Variants in KLHL4 observed in about 807,000 individuals in gnomAD.
KLHL4 encodes kelch-like protein 4.
KLHL4 carries 17 observed loss-of-function variants against 45.8 expected under a neutral mutation model. That is an observed-to-expected ratio of 0.37 (90% CI 0.25 to 0.56). The LOEUF is 0.56. KLHL4 is among the 20% of genes least tolerant of loss of function. KLHL4 has a pLI of 0.79. For missense variants in KLHL4, 544 were observed against 544.9 expected (o/e 1.00, Z 0.02); for synonymous variants, 224 against 189.9 (o/e 1.18, Z -1.47).
Position 87,667,897 on chromosome X carries a change from T to C in KLHL4, c.*1363T>C. ...AAGTTGTACAAAGATATTTGTACTT[T>C]GACAAACTGAATTTAAATAAACTTT... On this transcript the variant is annotated 3_prime_UTR_variant, in exon 11 of 11. Transcript: ENST00000373119. 1.5e-6 allele frequency: 1 copy of C among 681,059 alleles called. No homozygotes were observed. The highest frequency in any genetic ancestry group is 1.7e-6 in the Non-Finnish European group (1 of 572,405). 56.1% of individuals were successfully genotyped at this position (681,059 alleles called of 1,213,427 possible). A position where few individuals can be genotyped will look rare whatever the true frequency, so the allele number is the denominator to read the frequency against.
intron 1 of KLHL4, among the ~76,000 whole-genome samples, chrX:87,540,518 A>G (rs976997225): frequency 5.4e-5 from 6 of 110,751 alleles, no homozygotes; most frequent in African/African-American, 2.0e-4. Flanking sequence ...ATGAAAACAC[A>G]AACACACGCA....
chrX:87,615,226 T>C (rs1484798076), intron 3 of KLHL4, among the ~76,000 whole-genome samples: 2 of 111,244 alleles, frequency 1.8e-5, no homozygotes, highest in Non-Finnish European at 3.8e-5. Flanking sequence ...AGCGATATGC[T>C]CTCCTTACAT....
intron 9 of KLHL4, among the ~76,000 whole-genome samples, chrX:87,658,431 G>T (rs962274237): frequency 3.6e-5 from 4 of 111,417 alleles, no homozygotes; most frequent in Non-Finnish European, 7.5e-5. Flanking sequence ...CCAGGGTCTG[G>T]AATGCGTGCA....
intron 6 of KLHL4, among the ~76,000 whole-genome samples, chrX:87,628,892 A>G (rs1923017910): frequency 8.9e-6 from 1 of 112,066 alleles, no homozygotes. Context: ...GAATCATTAG[A>G]AAGTGCTAAG....
intron 1 of KLHL4, among the ~76,000 whole-genome samples, chrX:87,566,179 C>A (rs1175142424): frequency 9.0e-6 from 1 of 111,323 alleles, no homozygotes; most frequent in Admixed American, 9.6e-5. Flanking sequence ...AACCTCAATC[C>A]TTCTGAAACT....
intron 5 of KLHL4, among the ~76,000 whole-genome samples, chrX:87,623,548 T>C (rs1013257502): frequency 1.8e-5 from 2 of 110,774 alleles, no homozygotes; most frequent in Non-Finnish European, 3.8e-5. Flanking sequence ...TGCCTCGGCC[T>C]CCCAAAGTGC....
chrX:87,643,802 A>T (rs1186138274), intron 9 of KLHL4, among the ~76,000 whole-genome samples: 1 of 112,046 alleles, frequency 8.9e-6, no homozygotes. Flanking sequence ...TTAAAAAATC[A>T]CATAATCACA....
chrX:87,616,516 G>A (rs745433268), intron 3 of KLHL4, among the ~76,000 whole-genome samples: 9 of 111,244 alleles, frequency 8.1e-5, no homozygotes, highest in Non-Finnish European at 1.7e-4. Context: ...GTAAGCATTC[G>A]TAGGATAAGA....
At chrX:87,565,452 G>A (rs776473509) in intron 1 of KLHL4, among the ~76,000 whole-genome samples, 30 of 111,184 alleles carry the variant, frequency 2.7e-4, no homozygotes, top group Non-Finnish European at 4.9e-4. Context: ...AAGAGGTCGC[G>A]TGTGGTGGCT....
rs1394105829 is a variant in KLHL4 at position 87,529,642 on chromosome X, ATGTT to A, written c.422+11333_422+11336del. ...AGACTGCATATGCTTCAGAAAGAAA[ATGTT>A]TGTTTCCAGAACAGTCATGATACTG... On this transcript the variant is annotated intron_variant, in intron 1 of 10. Transcript: ENST00000373119. Among the ~76,000 whole-genome samples the A allele has an allele frequency of 4.5e-5, 5 of 111,496 alleles. No homozygotes were observed. The East Asian group carries it at 1.4e-3, about 32-fold the overall frequency.
At chrX:87,587,896 G>A (rs1921534416) in intron 1 of KLHL4, among the ~76,000 whole-genome samples, 1 of 110,919 alleles carries the variant, frequency 9.0e-6, no homozygotes, top group African/African-American at 3.3e-5. Context: ...TCATATACTT[G>A]GAAAAACCTA....
At chrX:87,661,050 T>C (rs770368118) in intron 9 of KLHL4, among the ~76,000 whole-genome samples, 1 of 112,376 alleles carries the variant, frequency 8.9e-6, no homozygotes, top group Non-Finnish European at 1.9e-5. Flanking sequence ...GGTTTTTTGC[T>C]ATGAAAATCA....
Position 87,537,487 on chromosome X carries a change from C to T in KLHL4, c.422+19172C>T, listed in dbSNP as rs187772010. ...CTCAAAGTTTCAATACTATTTAACA[C>T]GTTTATATAAATATATATATAGATA... On this transcript the variant is annotated intron_variant, in intron 1 of 10. Coordinates refer to ENST00000373119, the MANE Select transcript of KLHL4 (RefSeq NM_019117.5). Among the ~76,000 whole-genome samples, 9 of 110,361 alleles carry T rather than the reference C, an allele frequency of 8.2e-5. No homozygotes were observed. In the South Asian group the frequency reaches 2.3e-3, roughly 28 times the overall value.
intron 9 of KLHL4, among the ~76,000 whole-genome samples, chrX:87,639,679 C>G (rs2147828848): frequency 9.1e-6 from 1 of 110,395 alleles, no homozygotes; most frequent in Non-Finnish European, 1.9e-5. Flanking sequence ...AATAATATAA[C>G]CTCTCCAAAC....
At chrX:87,614,101 T>C (rs1922474661) in intron 2 of KLHL4, 57 bp downstream of exon 2, 1 of 819,348 alleles carries the variant, frequency 1.2e-6, no homozygotes, top group Admixed American at 2.9e-5. Flanking sequence ...AAATAAGAGA[T>C]AATGAGTACA....
intron 7 of KLHL4, 80 bp from the exon 8 acceptor site, chrX:87,633,669 A>C: frequency 1.2e-6 from 1 of 843,709 alleles, no homozygotes; most frequent in African/African-American, 2.0e-5. Flanking sequence ...AAATTTAAGC[A>C]GTTAATTGCT....
At chrX:87,634,247 AC>A (rs1347447430) in intron 8 of KLHL4, among the ~76,000 whole-genome samples, 1 of 111,557 alleles carries the variant, frequency 9.0e-6, no homozygotes, top group East Asian at 2.8e-4. Flanking sequence ...CTACTTTTTT[AC>A]ATTATGATTT....
At chrX:87,540,661 A>C (rs4828468) in intron 1 of KLHL4, among the ~76,000 whole-genome samples, 25,169 of 110,082 alleles carry the variant, frequency 0.23, 2,527 homozygotes, top group East Asian at 0.49. Context: ...TGCCTTCTTC[A>C]GGAATACCTC....
intron 1 of KLHL4, among the ~76,000 whole-genome samples, chrX:87,549,182 A>T (rs1931753396): frequency 1.8e-5 from 2 of 111,165 alleles, no homozygotes; most frequent in South Asian, 7.5e-4. Flanking sequence ...AAAAGCCACT[A>T]CATAATGATA....
Sources: allele counts gnomAD v4.1 joint callset (sites outside exome capture counted in the v4.1 genomes callset), GRCh38; gene constraint gnomAD v4.1.1; transcripts MANE v1.5; gene names NCBI Gene and HGNC (gene_info 2026-07-23, HGNC 2026-07-21).